Variants in UVRAG observed in about 807,000 individuals in gnomAD.
UVRAG encodes the protein UV radiation resistance associated.
Under a neutral mutation model 78.0 loss-of-function variants are expected in UVRAG, and 19 were observed. That is an observed-to-expected ratio of 0.24 (90% CI 0.17 to 0.36). The LOEUF (loss-of-function observed/expected upper bound fraction) is 0.36, where lower values mean the gene tolerates loss of function less well. Among genes scored for constraint, UVRAG ranks in the 10% least tolerant of loss-of-function variants. The pLI is 1.00. For missense variants in UVRAG, 740 were observed against 853.8 expected, an observed-to-expected ratio of 0.87 and a Z score of 1.66; for synonymous variants, 323 against 324.6, an observed-to-expected ratio of 1.00 and a Z score of 0.05.
At chr11:76,053,484 A>G (rs992644065) in intron 12 of UVRAG, among the ~76,000 whole-genome samples, 1 of 152,020 alleles carries the variant, frequency 6.6e-6, no homozygotes, top group Non-Finnish European at 1.5e-5. Flanking sequence ...CAATCAATCC[A>G]TCACAAAATT....
At chr11:75,920,752 T>C (rs939602138) in intron 6 of UVRAG, among the ~76,000 whole-genome samples, 35 of 152,168 alleles carry the variant, frequency 2.3e-4, no homozygotes, top group African/African-American at 8.0e-4. Flanking sequence ...CATTTATATA[T>C]GTTTTCTATA....
At chr11:75,864,781 A>G (rs992071450) in intron 3 of UVRAG, among the ~76,000 whole-genome samples, 1 of 152,240 alleles carries the variant, frequency 6.6e-6, no homozygotes, top group Non-Finnish European at 1.5e-5. Flanking sequence ...TTAGGCAAAG[A>G]TTTGAATACT....
In UVRAG at chr11:75,982,937, G is replaced by A. The variant is rs527431607; in HGVS notation, c.700-450G>A. Among the ~76,000 whole-genome samples, 113 of 152,032 alleles carry A rather than the reference G, an allele frequency of 7.4e-4. 1 individual carries two copies. The highest frequency in any genetic ancestry group is 3.7e-3 in the South Asian group (18 of 4,800). On this transcript the variant is annotated intron_variant, in intron 7 of 14. Transcript: ENST00000356136. ...GGTGGACATTTGGGTTTTTTATGTC[G>A]TTCGGCTATTATGAGTAATGCTGCT...
chr11:76,095,018 C>A (rs1372379661), intron 13 of UVRAG, among the ~76,000 whole-genome samples: 1 of 152,074 alleles, frequency 6.6e-6, no homozygotes, highest in Non-Finnish European at 1.5e-5. Context: ...AAGGTTTTGG[C>A]ACTTAGTATG....
Position 76,141,186 on chromosome 11 carries a change from C to G in UVRAG, c.1873C>G (p.Leu625Val). The G allele has an allele frequency of 2.5e-6, 4 of 1,614,150 alleles. No homozygotes were observed. Among genetic ancestry groups the G allele is most frequent in the Non-Finnish European group, 3.4e-6 (4 of 1,180,036 alleles). Residue 625 changes from leucine to valine, a missense_variant, in exon 15 of 15, where the codon CTC (leucine) becomes GTC (valine). Leu to Val is a conservative substitution (Grantham distance 32). Coordinates refer to ENST00000356136, the MANE Select transcript of UVRAG (RefSeq NM_003369.4). ...GTTCCACCCAGTCTCAGAAGCTGAGCTCTGCTGTACTGTGGAGCAAGCAGA... is the reference window on the plus strand; with the variant it reads ...GTTCCACCCAGTCTCAGAAGCTGAGGTCTGCTGTACTGTGGAGCAAGCAGA... ...GEFHPVSEAE[L>V]CCTVEQAEEI... is the part of the protein sequence containing the mutation.
In UVRAG at chr11:75,875,734, G is replaced by C. The variant is rs532998260; in HGVS notation, c.271-4145G>C. Among the ~76,000 whole-genome samples, 10 of 151,964 alleles carry C rather than the reference G, an allele frequency of 6.6e-5. No homozygotes were observed. In the East Asian group the frequency reaches 1.9e-3, roughly 29 times the overall value. On this transcript the variant is annotated intron_variant, in intron 3 of 14. Transcript: ENST00000356136. The stretch of plus-strand genomic sequence containing the variant: ...CAACTTTCCCTACAGACATCTGTGT[G>C]TAGGGATTTGGTGGATTTAGTTTAG...
intron 13 of UVRAG, among the ~76,000 whole-genome samples, chr11:76,097,794 G>A (rs1206923392): frequency 6.6e-6 from 1 of 152,104 alleles, no homozygotes; most frequent in Non-Finnish European, 1.5e-5. Flanking sequence ...ATAGCTAGTT[G>A]AAATTCTATT....
chr11:76,126,078 C>T (rs868483868), intron 14 of UVRAG, among the ~76,000 whole-genome samples: 66 of 151,702 alleles, frequency 4.4e-4, no homozygotes, highest in African/African-American at 1.2e-3. Flanking sequence ...GCCTCCCGGG[C>T]AGCTGGGACC....
chr11:76,121,873 TAA>T lies in UVRAG; in HGVS notation c.1397+5859_1397+5860del, dbSNP rs370187186. Among the ~76,000 whole-genome samples, 622 of 152,294 alleles carry T rather than the reference TAA, an allele frequency of 4.1e-3. 3 individuals are homozygous for T. Among genetic ancestry groups the T allele is most frequent in the African/African-American group, 0.014 (592 of 41,540 alleles). On this transcript the variant is annotated intron_variant, in intron 14 of 14. Transcript: ENST00000356136. ...AACACCACAGTGGCAGCTACAGAGA[TAA>T]GTGTGTATTCCCTCAGTAGCTTAGA...
At chr11:75,981,541 C>G (rs1472865818) in intron 7 of UVRAG, among the ~76,000 whole-genome samples, 1 of 152,046 alleles carries the variant, frequency 6.6e-6, no homozygotes, top group Non-Finnish European at 1.5e-5. Context: ...GCCTCAAACT[C>G]CTAGGCTTGA....
At chr11:76,135,779 G>T (rs1249182047) in intron 14 of UVRAG, among the ~76,000 whole-genome samples, 1 of 152,176 alleles carries the variant, frequency 6.6e-6, no homozygotes, top group African/African-American at 2.4e-5. Flanking sequence ...TTGAACCTCA[G>T]GCTCTGCACC....
chr11:76,109,896 C>T (rs1389112293), intron 13 of UVRAG, among the ~76,000 whole-genome samples: 1 of 152,164 alleles, frequency 6.6e-6, no homozygotes, highest in Admixed American at 6.5e-5. Flanking sequence ...TTCACCAGGT[C>T]CCCTGACCAC....
chr11:75,824,885 G>A (rs1489739625), intron 1 of UVRAG, among the ~76,000 whole-genome samples: 1 of 152,040 alleles, frequency 6.6e-6, no homozygotes, highest in Non-Finnish European at 1.5e-5. Context: ...GTGTTAGCCA[G>A]GATGGTCTCG....
chr11:75,957,395 T>A (rs909549297), intron 6 of UVRAG, among the ~76,000 whole-genome samples: 1 of 152,092 alleles, frequency 6.6e-6, no homozygotes, highest in African/African-American at 2.4e-5. Context: ...ATGATACACT[T>A]TCTTCTGTTC....
intron 6 of UVRAG, among the ~76,000 whole-genome samples, chr11:75,929,925 G>A (rs1346506074): frequency 6.6e-6 from 1 of 152,152 alleles, no homozygotes; most frequent in Non-Finnish European, 1.5e-5. Flanking sequence ...GCTTTAGGAA[G>A]CATTGTTGGA....
chr11:76,131,553 T>C (rs998223472), intron 14 of UVRAG, among the ~76,000 whole-genome samples: 5 of 152,234 alleles, frequency 3.3e-5, no homozygotes, highest in Admixed American at 6.5e-5. Flanking sequence ...TGTTCAGTTA[T>C]ACCTTTTTAT....
chr11:75,958,851 A>T (rs898296959), intron 6 of UVRAG, among the ~76,000 whole-genome samples: 18 of 152,268 alleles, frequency 1.2e-4, no homozygotes, highest in Non-Finnish European at 1.9e-4. Flanking sequence ...TGCCTCCTTC[A>T]TCCATGGGCT....
At chr11:76,058,534 CAAAAAAA>C (rs71471400) in intron 12 of UVRAG, among the ~76,000 whole-genome samples, 3 of 111,350 alleles carry the variant, frequency 2.7e-5, no homozygotes, top group African/African-American at 3.6e-5. Context: ...ACCCTATCTC[CAAAAAAA>C]AAAAAAAAAA....
intron 8 of UVRAG, 139 bp from the exon 9 acceptor site, chr11:76,003,866 A>C: frequency 2.8e-6 from 2 of 716,082 alleles, no homozygotes; most frequent in Non-Finnish European, 4.7e-6. Flanking sequence ...TACTCTCCCC[A>C]AAAAATCTCT....
Sources: gnomAD v4.1 joint callset for allele counts (sites outside exome capture counted in the v4.1 genomes callset) on GRCh38, gnomAD v4.1.1 for gene constraint, MANE v1.5 for transcripts, NCBI Gene and HGNC (gene_info 2026-07-23, HGNC 2026-07-21) for gene names.